The following IPCEF1 variants were observed in gnomAD, a reference collection of about 807,000 sequenced individuals.
IPCEF1 encodes interactor protein for cytohesin exchange factors 1.
A neutral mutation model predicts 50.9 loss-of-function variants in IPCEF1; 31 were observed. That is an observed-to-expected ratio of 0.61 (90% confidence interval 0.46 to 0.82). The LOEUF is 0.82. Among genes scored for constraint, IPCEF1 ranks in the 40% least tolerant of loss-of-function variants. The pLI is 0.00. For synonymous variants in IPCEF1, 181 were observed against 192.0 expected (o/e 0.94, Z 0.47); for missense variants, 458 against 514.0 (o/e 0.89, Z 1.05).
chr6:154,288,341 A>G (rs1463706171), intron 2 of IPCEF1, among the ~76,000 whole-genome samples: 1 of 152,232 alleles, frequency 6.6e-6, no homozygotes, highest in Non-Finnish European at 1.5e-5. Context: ...TTATATCTAT[A>G]CAGTCACAGA....
At position 154,158,261 on chromosome 6, in the gene IPCEF1, C is replaced by G. The variant is rs9322448; in HGVS notation, c.*1567G>C. ...AATAGGTTGTGTGAACAATTTGTTA[C>G]GGGTAGGCAGGGCCAACATGGGTAC... On this transcript the variant is annotated 3_prime_UTR_variant, in exon 12 of 12. Transcript: ENST00000367220. 89,404 of 152,046 alleles carry G rather than the reference C, an allele frequency of 0.59. 27,118 individuals are homozygous for G. The highest frequency in any genetic ancestry group is 0.73 in the African/African-American group (30,314 of 41,460). The allele number at this position is 152,046 out of a possible 1,614,324, so 9.4% of individuals were successfully genotyped here.
intron 10 of IPCEF1, among the ~76,000 whole-genome samples, chr6:154,197,791 TC>T (rs1398331178): frequency 6.6e-6 from 1 of 152,212 alleles, no homozygotes; most frequent in Non-Finnish European, 1.5e-5. Context: ...GATTTTATTC[TC>T]TAGTATGTTT....
At chr6:154,273,668 G>A (rs9384197) in intron 2 of IPCEF1, among the ~76,000 whole-genome samples, 140,744 of 140,808 alleles carry the variant, frequency 1, 70,340 homozygotes, top group Middle Eastern at 1. Flanking sequence ...GAAGGAGAAA[G>A]TAGCTTCATC....
At position 154,186,619 on chromosome 6, in the gene IPCEF1, C is replaced by T. The variant is rs369383702; in HGVS notation, c.910+13049G>A. ...TCGCCCAGGCTGGAGTGCAGTGGTG[C>T]GATCTTGGCTCACTGCAAGCTCCGC... On this transcript the variant is annotated intron_variant, in intron 10 of 11. Coordinates refer to ENST00000367220, the MANE Select transcript of IPCEF1 (RefSeq NM_001130700.2). Among the ~76,000 whole-genome samples, 938 of 151,764 alleles carry T rather than the reference C, an allele frequency of 6.2e-3. 10 individuals carry two copies. Among genetic ancestry groups the T allele is most frequent in the African/African-American group, 0.022 (905 of 41,304 alleles).
Position 154,353,080 on chromosome 6 carries a change from A to C in IPCEF1, c.-62+3592T>G, listed in dbSNP as rs149722570. On this transcript the variant is annotated intron_variant, in intron 1 of 11. Coordinates refer to ENST00000367220, the MANE Select transcript of IPCEF1 (RefSeq NM_001130700.2). ...AGTGGGACCACGTTTCCTTTTTCTC[A>C]CTTCAGAGTTGACACATGATTCTGC... Among the ~76,000 whole-genome samples, 207 of 152,146 alleles carry C rather than the reference A, an allele frequency of 1.4e-3. 6 individuals carry two copies. In the South Asian group the frequency reaches 0.042, roughly 31 times the overall value.
At position 154,351,359 on chromosome 6, in the gene IPCEF1, C is replaced by A. The variant is rs576139730; in HGVS notation, c.-62+5313G>T. On this transcript the variant is annotated intron_variant, in intron 1 of 11. Transcript: ENST00000367220. ...ATGGTTCTGAGGTCCCCCCAGTCCCCTTTTGTTCCCTGCTGGCTGGAAGCA... is the reference window on the plus strand; with the variant it reads ...ATGGTTCTGAGGTCCCCCCAGTCCCATTTTGTTCCCTGCTGGCTGGAAGCA... Among the ~76,000 whole-genome samples the A allele has an allele frequency of 6.6e-5, 10 of 152,330 alleles. No homozygotes were observed. The South Asian group carries it at 2.1e-3, about 32-fold the overall frequency.
chr6:154,351,006 C>T (rs1784110736), intron 1 of IPCEF1, among the ~76,000 whole-genome samples: 1 of 152,192 alleles, frequency 6.6e-6, no homozygotes, highest in Admixed American at 6.5e-5. Flanking sequence ...AGGCATCAAC[C>T]ACCCCACCTG....
At chr6:154,282,458 G>A (rs1172080311) in intron 2 of IPCEF1, among the ~76,000 whole-genome samples, 17 of 152,116 alleles carry the variant, frequency 1.1e-4, no homozygotes, top group Admixed American at 4.6e-4. Flanking sequence ...CAAGGTGGGC[G>A]GATCACGAGG....
At chr6:154,233,299 C>T (rs962833712) in intron 5 of IPCEF1, among the ~76,000 whole-genome samples, 1 of 152,120 alleles carries the variant, frequency 6.6e-6, no homozygotes, top group Non-Finnish European at 1.5e-5. Flanking sequence ...TTCTGTGTCT[C>T]GGCTCTCCTC....
intron 11 of IPCEF1, among the ~76,000 whole-genome samples, chr6:154,167,176 C>T (rs565106062): frequency 9.7e-4 from 147 of 152,216 alleles, no homozygotes; most frequent in Non-Finnish European, 1.9e-3. Context: ...TCAGATAAAT[C>T]GTCTGCTAAA....
At position 154,295,917 on chromosome 6, in the gene IPCEF1, A is replaced by ATG. The variant is rs1562583625; in HGVS notation, c.-61-6162_-61-6161insCA. Among the ~76,000 whole-genome samples the ATG allele has an allele frequency of 6.2e-4, 80 of 129,152 alleles. 4 individuals are homozygous for ATG. Among genetic ancestry groups the ATG allele is most frequent in the South Asian group, 4.2e-3 (19 of 4,486 alleles). The allele number at this position is 129,152 out of a possible 152,430, so 84.7% of individuals were successfully genotyped here. A position where few individuals can be genotyped will look rare whatever the true frequency, so the allele number is the denominator to read the frequency against. On this transcript the variant is annotated intron_variant, in intron 1 of 11. Coordinates refer to ENST00000367220, the MANE Select transcript of IPCEF1 (RefSeq NM_001130700.2). ...CGTACACACACACACACACGCACAC[A>ATG]CACACACACACACACACACTCTTAG... is the stretch of plus-strand genomic sequence containing the variant.
Position 154,289,714 on chromosome 6 carries a change from A to G in IPCEF1, c.-19T>C, listed in dbSNP as rs1782463374. On this transcript the variant is annotated splice_region_variant and 5_prime_UTR_variant, in exon 2 of 12. Coordinates refer to ENST00000367220, the MANE Select transcript of IPCEF1 (RefSeq NM_001130700.2). The stretch of plus-strand genomic sequence containing the variant: ...TGCAAAGAATTTTCAATTACATACC[A>G]AAAAGTTATGAATTTTCTTGGTCCA... 1 of 151,476 alleles carries G rather than the reference A, an allele frequency of 6.6e-6. No individual in the cohort carries two copies. Among genetic ancestry groups the G allele is most frequent in the Non-Finnish European group, 1.5e-5 (1 of 67,944 alleles). The allele number at this position is 151,476 out of a possible 1,614,324, so 9.4% of individuals were successfully genotyped here.
intron 1 of IPCEF1, among the ~76,000 whole-genome samples, chr6:154,303,705 T>G: frequency 6.6e-6 from 1 of 152,150 alleles, no homozygotes; most frequent in East Asian, 1.9e-4. Flanking sequence ...GAGGATTGCT[T>G]GAGTCCAGGA....
intron 1 of IPCEF1, among the ~76,000 whole-genome samples, chr6:154,290,172 G>A: frequency 6.6e-6 from 1 of 152,190 alleles, no homozygotes; most frequent in East Asian, 1.9e-4. Flanking sequence ...GTGTACTAAA[G>A]GGCAAAATGG....
intron 1 of IPCEF1, among the ~76,000 whole-genome samples, chr6:154,350,267 T>A (rs1784098645): frequency 6.6e-6 from 1 of 152,212 alleles, no homozygotes; most frequent in Non-Finnish European, 1.5e-5. Context: ...TTTATTTCAA[T>A]ACAAACTGAG....
At chr6:154,290,890 T>C (rs1782496462) in intron 1 of IPCEF1, among the ~76,000 whole-genome samples, 1 of 128,626 alleles carries the variant, frequency 7.8e-6, no homozygotes, top group South Asian at 2.4e-4. Context: ...AGGAATATAT[T>C]GCCTTTTTTT....
At chr6:154,302,034 G>A (rs954229199) in intron 1 of IPCEF1, among the ~76,000 whole-genome samples, 10 of 152,164 alleles carry the variant, frequency 6.6e-5, no homozygotes, top group Admixed American at 6.5e-4. Context: ...GGATGTGTGA[G>A]TTTATAGATA....
At position 154,249,300 on chromosome 6, in the gene IPCEF1, G is replaced by C. The variant is rs1016448358; in HGVS notation, c.37-1812C>G. 3.3e-5 allele frequency among the ~76,000 whole-genome samples: 5 copies of C among 152,230 alleles called. No homozygotes were observed. The South Asian group carries it at 8.3e-4, about 25-fold the overall frequency. On this transcript the variant is annotated intron_variant, in intron 3 of 11. Coordinates refer to ENST00000367220, the MANE Select transcript of IPCEF1 (RefSeq NM_001130700.2). ...TTTTTTTGATATGCCAATTCTCTGA[G>C]ATCAGTAAAACCCAACTAGTACCTA...
At chr6:154,313,750 T>G (rs1243725893) in intron 1 of IPCEF1, among the ~76,000 whole-genome samples, 3 of 151,988 alleles carry the variant, frequency 2.0e-5, no homozygotes, top group African/African-American at 7.3e-5. Context: ...TTGTTTTGTT[T>G]TTTGTTTTTT....
Sources: allele counts gnomAD v4.1 joint callset (sites outside exome capture counted in the v4.1 genomes callset), GRCh38; gene constraint gnomAD v4.1.1; transcripts MANE v1.5; gene names NCBI Gene and HGNC (gene_info 2026-07-23, HGNC 2026-07-21).